Variants in SBNO2 observed in about 807,000 individuals in gnomAD.
SBNO2 encodes strawberry notch homolog 2.
In SBNO2, 89 loss-of-function variants were observed where a neutral mutation model predicts 146.3. The ratio of observed to expected loss-of-function variants is 0.61; its 90% CI spans 0.51 to 0.73. SBNO2 has a LOEUF of 0.73. SBNO2 is among the 30% of genes least tolerant of loss of function. The probability of loss-of-function intolerance (pLI) is 0.00; values close to 1 mark genes in which losing one functional copy is unlikely to be tolerated. For synonymous variants in SBNO2, 1,147 were observed against 892.6 expected, an observed-to-expected ratio of 1.29 and a Z score of -5.08; for missense variants, 2,092 against 2,003.7, an observed-to-expected ratio of 1.04 and a Z score of -0.84.
chr19:1,124,973 T>C lies in SBNO2; in HGVS notation c.442-951A>G, dbSNP rs373313139. ...CCCGGGACGGATGGCTGGGGGATGG[T>C]AGGGTCCAAACTAGGGTCTGTGTGA... On this transcript the variant is annotated intron_variant, in intron 5 of 31. Transcript: ENST00000361757. 3.3e-5 allele frequency among the ~76,000 whole-genome samples: 5 copies of C among 151,922 alleles called. No individual in the cohort carries two copies. In the East Asian group the frequency reaches 5.8e-4, roughly 18 times the overall value.
rs778909029 is a variant in SBNO2 at position 1,147,431 on chromosome 19, A to ACGGGGGGGGGG, written c.168-12_168-11insCCCCCCCCCCG. 2 of 544,748 alleles carry ACGGGGGGGGGG rather than the reference A, an allele frequency of 3.7e-6. No homozygotes were observed. The highest frequency in any genetic ancestry group is 2.8e-5 in the African/African-American group (1 of 35,568). The allele number at this position is 544,748 out of a possible 1,614,324, so 33.7% of individuals were successfully genotyped here. A position where few individuals can be genotyped will look rare whatever the true frequency, so the allele number is the denominator to read the frequency against. ...GAGCTCATGAACGGGCTGGAGGGAG[A>ACGGGGGGGGGG]TGGGGGGGGGGGAGGTGAGATGGGG... is the stretch of plus-strand genomic sequence containing the variant. On this transcript the variant is annotated splice_polypyrimidine_tract_variant and intron_variant, in intron 3 of 31. Coordinates refer to ENST00000361757, the MANE Select transcript of SBNO2 (RefSeq NM_014963.3).
intron 4 of SBNO2, among the ~76,000 whole-genome samples, chr19:1,129,333 G>C (rs990839155): frequency 2.6e-5 from 4 of 152,188 alleles, no homozygotes; most frequent in Admixed American, 1.3e-4. Flanking sequence ...GGAAGCTGTG[G>C]GTTCCGTCCC....
In SBNO2 at chr19:1,122,246, G is replaced by A. The variant is rs377213333; in HGVS notation, c.1042C>T (p.Leu348Phe). 2.5e-6 allele frequency: 4 copies of A among 1,583,094 alleles called. No homozygotes were observed. Among genetic ancestry groups the A allele is most frequent in the Admixed American group, 3.6e-5 (2 of 55,888 alleles). ...ATCAGGGCGGAGTAGGTGGCGAAGA[G>A]GACGCCCTCTGAGGTAGTGGTGTCA... ...YGDTTTSEGV[L>F]FATYSALIGE... is the part of the protein sequence containing the mutation. The change falls in exon 11 of 32, where the codon CTC (leucine) becomes TTC (phenylalanine). Residue 348 changes from leucine (L) to phenylalanine (F), a missense_variant. By Grantham distance (22) the Leu-to-Phe change is conservative. Coordinates refer to ENST00000361757, the MANE Select transcript of SBNO2 (RefSeq NM_014963.3).
rs1286742923 is a variant in SBNO2 at position 1,136,170 on chromosome 19, G to A, written c.280-8405C>T. Among the ~76,000 whole-genome samples the A allele has an allele frequency of 6.6e-6, 1 of 152,180 alleles. No individual in the cohort carries two copies. Among genetic ancestry groups the A allele is most frequent in the Non-Finnish European group, 1.5e-5 (1 of 68,024 alleles). ...CAGGGGATGCCCGGATCCCCCAGAT[G>A]CTGGAGGGGCCGGAAGGAGCGCGGC... On this transcript the variant is annotated intron_variant, in intron 4 of 31. Transcript: ENST00000361757. This position sits in a 1 kb window ranked among gnomAD's most constrained non-coding sequence, Gnocchi z 4.2.
chr19:1,153,260 C>T (rs888167612), intron 2 of SBNO2, among the ~76,000 whole-genome samples: 2 of 149,728 alleles, frequency 1.3e-5, no homozygotes, highest in Non-Finnish European at 3.0e-5. Context: ...CTTTTTGAGC[C>T]ACAGTTTCGC....
At chr19:1,145,250 A>G (rs2080178654) in intron 4 of SBNO2, among the ~76,000 whole-genome samples, 1 of 150,784 alleles carries the variant, frequency 6.6e-6, no homozygotes, top group Non-Finnish European at 1.5e-5. Flanking sequence ...GCGGATCACC[A>G]CAGGTCAGGA....
rs189604920 is a variant in SBNO2, at chr19:1,158,629, G to A, written c.-126-4227C>T. 3.5e-3 allele frequency among the ~76,000 whole-genome samples: 537 copies of A among 152,282 alleles called. 6 individuals are homozygous for A. The highest frequency in any genetic ancestry group is 0.012 in the African/African-American group (510 of 41,548). Reference sequence around the variant, plus strand: ...CATGGAGGTCTGAGGAGGAGGCGGCGAGGCCCGGGCGAGCGGGCGCGACCG... The same window carrying A: ...CATGGAGGTCTGAGGAGGAGGCGGCAAGGCCCGGGCGAGCGGGCGCGACCG... On this transcript the variant is annotated intron_variant, in intron 1 of 31. Coordinates refer to ENST00000361757, the MANE Select transcript of SBNO2 (RefSeq NM_014963.3). This position sits in a 1 kb window ranked among gnomAD's most constrained non-coding sequence, Gnocchi z 9.9.
rs747389721 is a variant in SBNO2 at position 1,119,229 on chromosome 19, C to T, written c.1374-65G>A. 17 of 1,524,946 alleles carry T rather than the reference C, an allele frequency of 1.1e-5. No individual in the cohort carries two copies. The East Asian group carries it at 2.2e-4, about 20-fold the overall frequency. The allele number at this position is 1,524,946 out of a possible 1,614,324, so 94.5% of individuals were successfully genotyped here. On this transcript the variant is annotated intron_variant, in intron 13 of 31. Transcript: ENST00000361757. Reference sequence around the variant, plus strand: ...CGTGGGGATGGAGCCACTCGGAGCGCGAGGCAGAGCCAGTCGCAGAGAGGG... The same window carrying T: ...CGTGGGGATGGAGCCACTCGGAGCGTGAGGCAGAGCCAGTCGCAGAGAGGG...
intron 1 of SBNO2, among the ~76,000 whole-genome samples, chr19:1,159,616 G>T (rs1311382103): frequency 1.8e-5 from 1 of 56,736 alleles, no homozygotes; most frequent in Non-Finnish European, 3.6e-5. Flanking sequence ...GGACAGTGGG[G>T]GGCAGTGGGG....
Position 1,108,618 on chromosome 19 carries a change from C to A in SBNO2, c.3703G>T (p.Ala1235Ser). 7.0e-7 allele frequency: 1 copy of A among 1,437,572 alleles called. No homozygotes were observed. The highest frequency in any genetic ancestry group is 1.4e-5 in the South Asian group (1 of 71,924). The allele number at this position is 1,437,572 out of a possible 1,614,324, so 89.1% of individuals were successfully genotyped here. The change falls in exon 32 of 32, where the codon GCC becomes TCC. Residue 1235 changes from alanine (A) to serine (S), a missense_variant. Transcript: ENST00000361757. ...GCGGGCGGGGCGGGGCAGCCCAGGG[C>A]GGGCGCCTGCCTGCGCTTCACGTCC... The part of the protein sequence containing the change: ...DADVKRRQAP[A>S]LGCPAPPAPR...
intron 1 of SBNO2, among the ~76,000 whole-genome samples, chr19:1,170,825 G>A (rs1266284181): frequency 1.3e-5 from 2 of 151,816 alleles, no homozygotes; most frequent in Non-Finnish European, 2.9e-5. Context: ...ACGTTTGCAT[G>A]AGCACGGGTG....
Position 1,122,451 on chromosome 19 carries a change from C to T in SBNO2, c.1005+17G>A. The T allele has an allele frequency of 6.4e-7, 1 of 1,562,980 alleles. No homozygotes were observed. ...GGTCCCCACCTTGCCCCCTACTTTG[C>T]CGAGCACAGCCCCTACCTTGCTGAG... On this transcript the variant is annotated intron_variant, in intron 10 of 31. Transcript: ENST00000361757.
chr19:1,108,757 G>C (rs781500675), intron 31 of SBNO2, 22 bp downstream of exon 31: 3 of 1,594,322 alleles, frequency 1.9e-6, no homozygotes, highest in Admixed American at 1.7e-5. Context: ...GGGCCTTCCC[G>C]GGGCGCCCGC....
rs1362909934 is a variant in SBNO2, at chr19:1,109,648, G to A, written c.3123+35C>T. ...TGTGAGTGTGGTGGGGGCGGGGTGG[G>A]CAGAGTGTGAGGGGCTGTGGGGCTT... On this transcript the variant is annotated intron_variant, in intron 27 of 31. Coordinates refer to ENST00000361757, the MANE Select transcript of SBNO2 (RefSeq NM_014963.3). The surrounding 1 kb of genome is among the most constrained non-coding windows in gnomAD (Gnocchi z 4.2). 18 of 1,592,006 alleles carry A rather than the reference G, an allele frequency of 1.1e-5. No homozygotes were observed. Among genetic ancestry groups the A allele is most frequent in the Non-Finnish European group, 1.5e-5 (18 of 1,167,000 alleles).
chr19:1,122,144 C>A lies in SBNO2; in HGVS notation c.1144G>T (p.Gly382Cys). 6.9e-7 allele frequency: 1 copy of A among 1,451,508 alleles called. No homozygotes were observed. The highest frequency in any genetic ancestry group is 2.7e-5 in the East Asian group (1 of 37,724). The allele number at this position is 1,451,508 out of a possible 1,614,324, so 89.9% of individuals were successfully genotyped here. A position where few individuals can be genotyped will look rare whatever the true frequency, so the allele number is the denominator to read the frequency against. The change falls in exon 11 of 32, where the codon GGC (glycine) becomes TGC (cysteine). Residue 382 changes from glycine (G) to cysteine (C), a missense_variant. Physicochemically the swap from Gly to Cys is radical, Grantham distance 159. Transcript: ENST00000361757. ...ILDWCGEAFE[G>C]VIVFDECHKA... is the part of the protein sequence containing the mutation. ...GATTGCCCCCAGCAGGATACGACGC[C>A]CTCGAAGGCCTCCCCACACCAGTCC...
intron 4 of SBNO2, among the ~76,000 whole-genome samples, chr19:1,146,249 G>A (rs997885136): frequency 3.3e-5 from 5 of 152,052 alleles, no homozygotes; most frequent in African/African-American, 7.3e-5. Flanking sequence ...CTTGACGGAC[G>A]CGGTCACCCC....
intron 1 of SBNO2, among the ~76,000 whole-genome samples, chr19:1,159,046 TGACCCCACCTGCGGCTGCAACCGCC>T (rs2080318977): frequency 6.9e-6 from 1 of 145,532 alleles, no homozygotes; most frequent in African/African-American, 2.6e-5. Context: ...CCTGCAGCCA[TGACCCCACCTGCGGCTGCAACCGCC>T]GCCCCACAGC....
Position 1,123,656 on chromosome 19 carries a change from A to C in SBNO2, c.523-17T>G, listed in dbSNP as rs201009701. 1.9e-5 allele frequency: 30 copies of C among 1,600,292 alleles called. No individual in the cohort carries two copies. The East Asian group carries it at 6.8e-4, about 36-fold the overall frequency. ...ACTCTGCTCCTGCGTGCGTGGCGGG[A>C]GCTCAGCGGAGACTGCAGGCCTGAG... On this transcript the variant is annotated splice_polypyrimidine_tract_variant and intron_variant, in intron 6 of 31. Coordinates refer to ENST00000361757, the MANE Select transcript of SBNO2 (RefSeq NM_014963.3).
intron 5 of SBNO2, 42 bp from the exon 6 acceptor site, chr19:1,124,064 G>C (rs1410695668): frequency 1.3e-6 from 2 of 1,579,172 alleles, no homozygotes; most frequent in Non-Finnish European, 1.7e-6. Flanking sequence ...AGACGGGACA[G>C]GTCACAGCTG....
Sources: gnomAD v4.1 joint callset for allele counts (sites outside exome capture counted in the v4.1 genomes callset) on GRCh38, gnomAD v4.1.1 for gene constraint, Gnocchi (gnomAD v3.1) non-coding constraint, MANE v1.5 for transcripts, NCBI Gene and HGNC (gene_info 2026-07-23, HGNC 2026-07-21) for gene names.